C4orf17: variants seen among roughly 807,000 people sequenced by gnomAD.
C4orf17 encodes the protein chromosome 4 open reading frame 17.
A neutral mutation model predicts 32.0 loss-of-function variants in C4orf17; 25 were observed. The ratio of observed to expected loss-of-function variants is 0.78; its 90% CI spans 0.57 to 1.09. The LOEUF is 1.09. Among genes scored for constraint, C4orf17 ranks in the 50% least tolerant of loss-of-function variants. The pLI, the probability that C4orf17 is intolerant of heterozygous loss-of-function variation, is 0.00. For missense variants in C4orf17, 420 were observed against 420.0 expected, an observed-to-expected ratio of 1.00 and a Z score of 0.00; for synonymous variants, 149 against 145.8, an observed-to-expected ratio of 1.02 and a Z score of -0.16.
At chr4:99,526,461 G>A (rs1326564915) in intron 4 of C4orf17, among the ~76,000 whole-genome samples, 1 of 152,050 alleles carries the variant, frequency 6.6e-6, no homozygotes, top group Non-Finnish European at 1.5e-5. Context: ...TCTTTTTGTG[G>A]TTTTAATATC....
chr4:99,540,312 A>C (rs771823645), intron 7 of C4orf17, 100 bp from the exon 8 acceptor site: 361 of 729,522 alleles, frequency 4.9e-4, no homozygotes, highest in Non-Finnish European at 6.9e-4. Context: ...TAGCATATTT[A>C]AGATACATAT....
Position 99,529,956 on chromosome 4 carries a change from AAAGT to A in C4orf17, c.546+4_546+7del, listed in dbSNP as rs766755696. The stretch of plus-strand genomic sequence containing the variant: ...ACCAAACTATCTGGATCAGGAAATA[AAAGT>A]AAGTATCAGGTTTATCAAATCCATA... On this transcript the variant is annotated splice_donor_variant and coding_sequence_variant, in exon 5 of 9. Coordinates refer to ENST00000326581, the MANE Select transcript of C4orf17 (RefSeq NM_032149.3). LOFTEE classifies it high-confidence loss of function. 3.0e-5 allele frequency: 49 copies of A among 1,607,078 alleles called. No homozygotes were observed. The African/African-American group carries it at 5.7e-4, about 19-fold the overall frequency.
At chr4:99,540,545 T>A (rs1723637767) in intron 8 of C4orf17, 90 bp downstream of exon 8, 1 of 840,004 alleles carries the variant, frequency 1.2e-6, no homozygotes, top group Non-Finnish European at 2.0e-6. Flanking sequence ...GGATCAGTGC[T>A]TTTAAAAAAA....
At chr4:99,530,791 G>A (rs769321330) in intron 5 of C4orf17, among the ~76,000 whole-genome samples, 3 of 151,556 alleles carry the variant, frequency 2.0e-5, no homozygotes, top group African/African-American at 7.3e-5. Flanking sequence ...TAAACTTGAG[G>A]AGAATAAAAG....
intron 4 of C4orf17, among the ~76,000 whole-genome samples, chr4:99,526,014 T>G (rs888047041): frequency 2.6e-5 from 4 of 152,200 alleles, no homozygotes; most frequent in Admixed American, 6.5e-5. Flanking sequence ...TTTATTGCAA[T>G]GGCTAGAACC....
intron 3 of C4orf17, among the ~76,000 whole-genome samples, chr4:99,523,200 G>GA (rs1723327129): frequency 6.6e-6 from 1 of 152,066 alleles, no homozygotes; most frequent in African/African-American, 2.4e-5. Flanking sequence ...GTAAACAATT[G>GA]AATTAATTTT....
intron 2 of C4orf17, among the ~76,000 whole-genome samples, chr4:99,514,073 C>G (rs991839988): frequency 6.6e-6 from 1 of 152,074 alleles, no homozygotes; most frequent in Non-Finnish European, 1.5e-5. Context: ...CCCTCACACC[C>G]ATCCCTGAGA....
intron 2 of C4orf17, among the ~76,000 whole-genome samples, chr4:99,519,587 G>A (rs1216248215): frequency 6.6e-6 from 1 of 152,160 alleles, no homozygotes; most frequent in Non-Finnish European, 1.5e-5. Context: ...ATTGCATCCA[G>A]ATAAAATTGT....
At chr4:99,537,815 C>A in intron 6 of C4orf17, 65 bp downstream of exon 6, 1 of 1,142,816 alleles carries the variant, frequency 8.8e-7, no homozygotes, top group Non-Finnish European at 1.3e-6. Flanking sequence ...GGGAATATGC[C>A]AATATCTGAA....
At chr4:99,512,391 A>G (rs1474582712) in intron 1 of C4orf17, among the ~76,000 whole-genome samples, 1 of 152,190 alleles carries the variant, frequency 6.6e-6, no homozygotes, top group Non-Finnish European at 1.5e-5. Context: ...TCCCAGGTCT[A>G]TGACACCATA....
rs1723125720 is a variant in C4orf17 at position 99,513,194 on chromosome 4, T to A, written c.113T>A (p.Val38Asp). 6.2e-7 allele frequency: 1 copy of A among 1,613,812 alleles called. No individual in the cohort carries two copies. Among genetic ancestry groups the A allele is most frequent in the African/African-American group, 1.3e-5 (1 of 74,984 alleles). Reference protein sequence around the residue: ...LVRHTPHPRRVCHIKGLNNIP... With the variant: ...LVRHTPHPRRDCHIKGLNNIP... The stretch of plus-strand genomic sequence containing the variant: ...AGGCACACCCCTCATCCCAGAAGAG[T>A]CTGCCACATCAAAGGTAAGGTGACT... Residue 38 changes from valine (V) to aspartate (D), a missense_variant, in exon 2 of 9, where the codon GTC becomes GAC. Physicochemically the swap from Val to Asp is radical, Grantham distance 152. Coordinates refer to ENST00000326581, the MANE Select transcript of C4orf17 (RefSeq NM_032149.3).
chr4:99,542,069 GT>G lies in C4orf17; in HGVS notation c.1041del (p.Gln349LysfsTer36). The G allele has an allele frequency of 6.2e-7, 1 of 1,614,040 alleles. No homozygotes were observed. The highest frequency in any genetic ancestry group is 2.2e-5 in the East Asian group (1 of 44,834). ...AGGAGTATACAAGAATACAACCTCTGTCCCCAAAGAGCATGTTATCCTTCAA... is the reference window on the plus strand; with the variant it reads ...AGGAGTATACAAGAATACAACCTCTGCCCCAAAGAGCATGTTATCCTTCAA... ...SARSIQEYNL[C>X]PQRACYPSTH... On this transcript the variant is annotated frameshift_variant, in exon 9 of 9. Transcript: ENST00000326581. LOFTEE classifies it low-confidence loss of function (END_TRUNC).
intron 4 of C4orf17, among the ~76,000 whole-genome samples, chr4:99,528,831 C>T (rs916577078): frequency 2.0e-5 from 3 of 152,084 alleles, no homozygotes; most frequent in African/African-American, 7.2e-5. Flanking sequence ...CCAGATCCTG[C>T]CCTTGACATA....
chr4:99,521,111 C>T lies in C4orf17; in HGVS notation c.128-1389C>T, dbSNP rs540731315. 9.9e-5 allele frequency among the ~76,000 whole-genome samples: 15 copies of T among 152,266 alleles called. No individual in the cohort carries two copies. In the East Asian group the frequency reaches 1.4e-3, roughly 14 times the overall value. On this transcript the variant is annotated intron_variant, in intron 2 of 8. Coordinates refer to ENST00000326581, the MANE Select transcript of C4orf17 (RefSeq NM_032149.3). ...AGATGGGGCCAGGCACGGTGGCTCA[C>T]GCCTGTAATCCCAGCACTTCGGGAG...
chr4:99,521,638 T>C (rs902291543), intron 2 of C4orf17, among the ~76,000 whole-genome samples: 2 of 152,104 alleles, frequency 1.3e-5, no homozygotes, highest in African/African-American at 4.8e-5. Flanking sequence ...GGTGAACCAG[T>C]GGTACTGGAG....
intron 1 of C4orf17, among the ~76,000 whole-genome samples, chr4:99,511,940 G>T (rs1183641834): frequency 6.6e-6 from 1 of 152,092 alleles, no homozygotes; most frequent in Non-Finnish European, 1.5e-5. Flanking sequence ...TCAAACTGAA[G>T]TTCCTGAAAA....
intron 5 of C4orf17, among the ~76,000 whole-genome samples, chr4:99,534,239 T>G (rs558848310): frequency 7.9e-5 from 12 of 152,326 alleles, no homozygotes; most frequent in African/African-American, 2.9e-4. Context: ...ATGTGGTGTT[T>G]GGTTTTCTGT....
At chr4:99,521,102 G>T (rs191372576) in intron 2 of C4orf17, among the ~76,000 whole-genome samples, 1 of 152,264 alleles carries the variant, frequency 6.6e-6, no homozygotes, top group East Asian at 1.9e-4. Context: ...GGCCAGGCAC[G>T]GTGGCTCACG....
rs766907288 is a variant in C4orf17, at chr4:99,542,098, C to T, written c.1069C>T (p.His357Tyr). Residue 357 changes from histidine (H) to tyrosine (Y), a missense_variant, in exon 9 of 9, where the codon CAC (histidine) becomes TAC (tyrosine). Transcript: ENST00000326581. Reference protein sequence around the residue: ...CPQRACYPSTHRR With the variant: ...CPQRACYPSTYRR The stretch of plus-strand genomic sequence containing the variant: ...CCAAAGAGCATGTTATCCTTCAACA[C>T]ACCGGAGGTAGAAGTTCTAGACTGG... 10 of 1,613,450 alleles carry T rather than the reference C, an allele frequency of 6.2e-6. No individual in the cohort carries two copies. In the South Asian group the frequency reaches 1.1e-4, roughly 18 times the overall value.
Sources: gnomAD v4.1 joint callset for allele counts (sites outside exome capture counted in the v4.1 genomes callset) on GRCh38, gnomAD v4.1.1 for gene constraint, MANE v1.5 for transcripts, NCBI Gene and HGNC (gene_info 2026-07-23, HGNC 2026-07-21) for gene names.